PCDHA10: variants seen among roughly 807,000 people sequenced by gnomAD.
PCDHA10 encodes protocadherin alpha-10.
PCDHA10 carries 45 observed loss-of-function variants against 61.2 expected under a neutral mutation model. The ratio of observed to expected loss-of-function variants is 0.74; its 90% CI spans 0.58 to 0.94. The LOEUF (loss-of-function observed/expected upper bound fraction) is 0.94. Ranked by LOEUF, PCDHA10 falls within the 40% of genes least tolerant of loss-of-function variation. PCDHA10 has a pLI of 0.00. For missense variants in PCDHA10, 1,278 were observed against 1,236.2 expected (o/e 1.03, Z -0.51); for synonymous variants, 602 against 548.8 (o/e 1.10, Z -1.35).
chr5:140,894,253 T>C (rs1554186000), intron 1 of PCDHA10, among the ~76,000 whole-genome samples: 1 of 152,112 alleles, frequency 6.6e-6, no homozygotes, highest in Non-Finnish European at 1.5e-5. Context: ...TTCTTTTCTT[T>C]ACAAGTGGTA....
chr5:140,886,552 G>A (rs188986859), intron 1 of PCDHA10, among the ~76,000 whole-genome samples: 132 of 151,712 alleles, frequency 8.7e-4, no homozygotes, highest in Middle Eastern at 3.4e-3. Flanking sequence ...TCCCAGCTGG[G>A]CACGGTGGCT....
intron 2 of PCDHA10, 101 bp downstream of exon 2, chr5:140,979,108 A>G: frequency 6.6e-7 from 1 of 1,526,122 alleles, no homozygotes; most frequent in African/African-American, 1.4e-5. Flanking sequence ...AAAACTAAAA[A>G]GCTTTAGGTA....
intron 1 of PCDHA10, among the ~76,000 whole-genome samples, chr5:140,873,367 A>G (rs782242904): frequency 2.0e-5 from 3 of 152,174 alleles, no homozygotes; most frequent in Non-Finnish European, 2.9e-5. Context: ...GAATAACTGA[A>G]GATCTTTTAA....
chr5:140,861,090 T>C (rs1449145259), intron 1 of PCDHA10: 1 of 152,308 alleles, frequency 6.6e-6, no homozygotes, highest in African/African-American at 2.4e-5. Flanking sequence ...GAAGCTCCAT[T>C]GTTCCTGTAC....
At chr5:140,862,305 C>T (rs953461441) in intron 1 of PCDHA10, 3 of 278,650 alleles carry the variant, frequency 1.1e-5, no homozygotes, top group Non-Finnish European at 2.1e-5. Flanking sequence ...CCACTGGGTA[C>T]CGTCATAGCC....
intron 1 of PCDHA10, among the ~76,000 whole-genome samples, chr5:140,942,479 A>G (rs1341688235): frequency 6.6e-6 from 1 of 152,154 alleles, no homozygotes; most frequent in East Asian, 1.9e-4. Flanking sequence ...TTCAAGCTAC[A>G]ACTGAAATAA....
At chr5:140,927,226 A>T in intron 1 of PCDHA10, 5 of 1,613,996 alleles carry the variant, frequency 3.1e-6, no homozygotes, top group Non-Finnish European at 4.2e-6. Context: ...CAAGATTCGG[A>T]TTCACGTCCT....
At chr5:140,869,788 T>C (rs782425741) in intron 1 of PCDHA10, 4 of 1,612,892 alleles carry the variant, frequency 2.5e-6, no homozygotes, top group African/African-American at 1.3e-5. Context: ...CGTTCGGCTG[T>C]TAGTCCAAGT....
intron 1 of PCDHA10, chr5:140,928,117 A>G (rs781867812): frequency 1.1e-5 from 18 of 1,614,208 alleles, no homozygotes; most frequent in Non-Finnish European, 1.5e-5. Context: ...GGAGCAGATC[A>G]GTGAATACCA....
chr5:140,934,239 T>C (rs2089722399), intron 1 of PCDHA10, among the ~76,000 whole-genome samples: 1 of 152,146 alleles, frequency 6.6e-6, no homozygotes, highest in Non-Finnish European at 1.5e-5. Context: ...TACTTAATTG[T>C]GGAGATTTAT....
intron 1 of PCDHA10, chr5:140,928,202 A>G: frequency 6.2e-7 from 1 of 1,614,210 alleles, no homozygotes; most frequent in Non-Finnish European, 8.5e-7. Flanking sequence ...TCAGTTGCTG[A>G]TGTGAATGAC....
intron 1 of PCDHA10, among the ~76,000 whole-genome samples, chr5:140,925,768 G>A (rs1018599372): frequency 6.6e-6 from 1 of 151,870 alleles, no homozygotes; most frequent in Admixed American, 6.6e-5. Flanking sequence ...TAGTTTCCTG[G>A]TCAAACTCTA....
chr5:140,946,142 CAAAT>C (rs1214309556), intron 1 of PCDHA10, among the ~76,000 whole-genome samples: 1 of 151,910 alleles, frequency 6.6e-6, no homozygotes, highest in Non-Finnish European at 1.5e-5. Context: ...AGTAAGAAAA[CAAAT>C]AACACGATTT....
intron 1 of PCDHA10, among the ~76,000 whole-genome samples, chr5:140,887,272 AT>A (rs2061386056): frequency 6.6e-6 from 1 of 151,690 alleles, no homozygotes; most frequent in South Asian, 2.1e-4. Context: ...AATTTTTTGT[AT>A]TTTTAGTAGA....
chr5:140,946,631 T>TATATATATATATATATATAC lies in PCDHA10; in HGVS notation c.2389-32317_2389-32316insTATATATATATATATATACA, dbSNP rs57893927. ...TGTGAAATATATATATATATATATA[T>TATATATATATATATATATAC]ACAATGGAATACTCATCAGCCATTA... On this transcript the variant is annotated intron_variant, in intron 1 of 3. Transcript: ENST00000307360. Among the ~76,000 whole-genome samples, 543 of 131,742 alleles carry TATATATATATATATATATAC rather than the reference T, an allele frequency of 4.1e-3. 35 individuals are homozygous for TATATATATATATATATATAC. Among genetic ancestry groups the TATATATATATATATATATAC allele is most frequent in the African/African-American group, 0.018 (501 of 28,614 alleles). The allele number at this position is 131,742 out of a possible 152,430, so 86.4% of individuals were successfully genotyped here.
chr5:140,943,274 A>AAAAG (rs1349019397), intron 1 of PCDHA10, among the ~76,000 whole-genome samples: 1 of 141,284 alleles, frequency 7.1e-6, no homozygotes, highest in Admixed American at 7.3e-5. Context: ...AAAAAAAAAA[A>AAAAG]AAAGAAAGAA....
At chr5:140,933,036 A>G (rs545196190) in intron 1 of PCDHA10, among the ~76,000 whole-genome samples, 5 of 152,154 alleles carry the variant, frequency 3.3e-5, no homozygotes, top group South Asian at 4.1e-4. Context: ...CTTCAAGTGA[A>G]TATGGATTAC....
At chr5:140,900,280 T>G (rs549563825) in intron 1 of PCDHA10, among the ~76,000 whole-genome samples, 1 of 152,182 alleles carries the variant, frequency 6.6e-6, no homozygotes, top group Admixed American at 6.5e-5. Flanking sequence ...TGTACCACAC[T>G]TTCTTTTCTG....
intron 1 of PCDHA10, chr5:140,875,502 A>G (rs201298546): frequency 1.7e-5 from 28 of 1,613,494 alleles, no homozygotes; most frequent in Non-Finnish European, 2.3e-5. Context: ...GAGGCCCGGG[A>G]TCCCAGCGTC....
Sources: gnomAD v4.1 joint callset for allele counts (sites outside exome capture counted in the v4.1 genomes callset) on GRCh38, gnomAD v4.1.1 for gene constraint, MANE v1.5 for transcripts, NCBI Gene and HGNC (gene_info 2026-07-23, HGNC 2026-07-21) for gene names.